TMEM232: variants seen among roughly 807,000 people sequenced by gnomAD.
The protein encoded by TMEM232 is transmembrane protein 232.
TMEM232 carries 80 observed loss-of-function variants against 78.8 expected under a neutral mutation model. The ratio of observed to expected loss-of-function variants is 1.01; its 90% CI spans 0.85 to 1.22. TMEM232 has a LOEUF of 1.22. Ranked by LOEUF, TMEM232 falls within the 50% of genes most tolerant of loss-of-function variation. The pLI is 0.00. For missense variants in TMEM232, 881 were observed against 742.2 expected, an observed-to-expected ratio of 1.19 and a Z score of -2.17; for synonymous variants, 297 against 254.3, an observed-to-expected ratio of 1.17 and a Z score of -1.60.
At chr5:110,620,581 C>CTCTCTCATA (rs1561399468) in intron 7 of TMEM232, among the ~76,000 whole-genome samples, 1 of 3,434 alleles carries the variant, frequency 2.9e-4, no homozygotes, top group Non-Finnish European at 1.4e-3. Flanking sequence ...TCTCATATCT[C>CTCTCTCATA]TCTCTCTCTC....
intron 11 of TMEM232, among the ~76,000 whole-genome samples, chr5:110,529,657 G>A (rs1771142482): frequency 6.6e-6 from 1 of 151,886 alleles, no homozygotes; most frequent in Non-Finnish European, 1.5e-5. Context: ...AATTGAATAT[G>A]TTCTAAAATC....
downstream of TMEM232, among the ~76,000 whole-genome samples, chr5:110,417,311 T>G (rs1001323385): frequency 6.6e-6 from 1 of 152,182 alleles, no homozygotes; most frequent in African/African-American, 2.4e-5. Flanking sequence ...TTTCTCTATT[T>G]TTCTCCTATC....
At chr5:110,523,966 A>AAGGGG (rs1491096070) in intron 12 of TMEM232, among the ~76,000 whole-genome samples, 1 of 41,240 alleles carries the variant, frequency 2.4e-5, no homozygotes, top group African/African-American at 7.7e-5. Flanking sequence ...AAAAAAAAAA[A>AAGGGG]GGGGGGGGGG....
At chr5:110,548,399 A>G (rs1008041376) in intron 11 of TMEM232, among the ~76,000 whole-genome samples, 2 of 137,298 alleles carry the variant, frequency 1.5e-5, no homozygotes, top group Admixed American at 1.4e-4. Flanking sequence ...ATATTAAAAT[A>G]TTATAAGACA....
At chr5:110,549,149 C>CT (rs1441689429) in intron 11 of TMEM232, among the ~76,000 whole-genome samples, 1 of 151,318 alleles carries the variant, frequency 6.6e-6, no homozygotes, top group Non-Finnish European at 1.5e-5. Context: ...GTACAAAACA[C>CT]ATATTAGAAA....
chr5:110,581,612 G>C (rs1014755544), intron 10 of TMEM232, among the ~76,000 whole-genome samples: 4 of 151,800 alleles, frequency 2.6e-5, no homozygotes, highest in African/African-American at 9.7e-5. Context: ...CTCTGAGAAA[G>C]AATTCATGAT....
At chr5:110,623,266 C>T (rs1288830425) in intron 7 of TMEM232, among the ~76,000 whole-genome samples, 1 of 151,678 alleles carries the variant, frequency 6.6e-6, no homozygotes, top group East Asian at 1.9e-4. Flanking sequence ...ATCGTAATAT[C>T]CTATAAAACT....
intron 1 of TMEM232, among the ~76,000 whole-genome samples, chr5:110,695,266 C>A (rs528759385): frequency 0.01 from 1,524 of 152,232 alleles, 14 homozygotes; most frequent in African/African-American, 0.034. Context: ...AGAACAAAGA[C>A]ACAACATACC....
intron 10 of TMEM232, among the ~76,000 whole-genome samples, chr5:110,593,908 G>A (rs1337601504): frequency 5.3e-5 from 8 of 151,990 alleles, no homozygotes; most frequent in Non-Finnish European, 2.9e-5. Context: ...TTGAATGCCT[G>A]TATCAAAATA....
intron 1 of TMEM232, chr5:110,667,800 A>G (rs1790789454): frequency 6.6e-6 from 1 of 152,342 alleles, no homozygotes; most frequent in Non-Finnish European, 1.5e-5. Context: ...AACTTTATGT[A>G]ATCACTTGTG....
downstream of TMEM232, among the ~76,000 whole-genome samples, chr5:110,419,425 G>T (rs983845951): frequency 7.2e-5 from 11 of 152,030 alleles, no homozygotes; most frequent in Non-Finnish European, 1.5e-4. Context: ...CATAATATAG[G>T]TCACAAACTT....
At chr5:110,650,768 GA>G (rs1374393022) in intron 2 of TMEM232, among the ~76,000 whole-genome samples, 1 of 151,882 alleles carries the variant, frequency 6.6e-6, no homozygotes, top group Non-Finnish European at 1.5e-5. Context: ...TCCTGGAACA[GA>G]AAAAAGGAAA....
chr5:110,544,999 A>T (rs1773601037), intron 11 of TMEM232, among the ~76,000 whole-genome samples: 8 of 150,568 alleles, frequency 5.3e-5, no homozygotes, highest in Admixed American at 5.3e-4. Flanking sequence ...TCCACAAGGT[A>T]CTTAACCTCT....
chr5:110,707,041 A>C (rs764576800), intron 1 of TMEM232, among the ~76,000 whole-genome samples: 8 of 152,146 alleles, frequency 5.3e-5, no homozygotes, highest in Non-Finnish European at 1.0e-4. Context: ...AAAGGGAGAA[A>C]TTTTCAGAAA....
chr5:110,504,308 GA>G (rs368631160), intron 12 of TMEM232, among the ~76,000 whole-genome samples: 20 of 152,296 alleles, frequency 1.3e-4, no homozygotes, highest in African/African-American at 4.6e-4. Context: ...TTGAGCAGAG[GA>G]AAGTGGTTTT....
chr5:110,389,668 C>A (rs1030056308), intron 4 of TMEM232, among the ~76,000 whole-genome samples: 1 of 152,106 alleles, frequency 6.6e-6, no homozygotes, highest in African/African-American at 2.4e-5. Flanking sequence ...TTAGAATAAG[C>A]CTTTCAAAGG....
intron 12 of TMEM232, among the ~76,000 whole-genome samples, chr5:110,505,445 G>C (rs774645654): frequency 2.9e-4 from 44 of 152,182 alleles, no homozygotes; most frequent in Non-Finnish European, 5.9e-4. Flanking sequence ...ACTGACCATA[G>C]TAGGAAGAAA....
intron 1 of TMEM232, among the ~76,000 whole-genome samples, chr5:110,671,067 C>T (rs1791291234): frequency 6.6e-6 from 1 of 152,056 alleles, no homozygotes; most frequent in Non-Finnish European, 1.5e-5. Context: ...CGATGAAAGA[C>T]TTCATGACTA....
intron 12 of TMEM232, among the ~76,000 whole-genome samples, chr5:110,524,377 A>G (rs1770135652): frequency 1.4e-5 from 1 of 72,066 alleles, no homozygotes; most frequent in African/African-American, 6.4e-5. Context: ...GAAAGAAAGA[A>G]AGAAAGAAAG....
Sources: gnomAD v4.1 joint callset for allele counts (sites outside exome capture counted in the v4.1 genomes callset) on GRCh38, gnomAD v4.1.1 for gene constraint, MANE v1.5 for transcripts, NCBI Gene and HGNC (gene_info 2026-07-23, HGNC 2026-07-21) for gene names.